Variants in RAP1A observed in about 807,000 individuals in gnomAD.
The protein encoded by RAP1A is RAP1A, member of RAS oncogene family.
Under a neutral mutation model 26.4 loss-of-function variants are expected in RAP1A, and 6 were observed. The ratio of observed to expected loss-of-function variants is 0.23; its 90% confidence interval spans 0.12 to 0.45. The LOEUF is 0.45. Ranked by LOEUF, RAP1A falls within the 20% of genes least tolerant of loss-of-function variation. RAP1A has a pLI of 0.99. For missense variants in RAP1A, 121 were observed against 217.2 expected (o/e 0.56, Z 2.78); for synonymous variants, 73 against 79.4 (o/e 0.92, Z 0.43).
chr1:111,703,887 C>T (rs956757128), intron 5 of RAP1A, among the ~76,000 whole-genome samples: 1 of 152,160 alleles, frequency 6.6e-6, no homozygotes, highest in African/African-American at 2.4e-5. Flanking sequence ...CACAGTCTAC[C>T]TCCCGGGCTC....
At chr1:111,697,584 G>A in intron 4 of RAP1A, 87 bp downstream of exon 4, 1 of 1,567,732 alleles carries the variant, frequency 6.4e-7, no homozygotes, top group Non-Finnish European at 8.6e-7. Flanking sequence ...AGATAATTCT[G>A]AGTAAAAGTA....
intron 1 of RAP1A, among the ~76,000 whole-genome samples, chr1:111,565,253 G>T (rs1657892561): frequency 6.6e-6 from 1 of 152,194 alleles, no homozygotes; most frequent in African/African-American, 2.4e-5. Context: ...GTGAGCAAGT[G>T]AGGGACCTGA....
intron 1 of RAP1A, among the ~76,000 whole-genome samples, chr1:111,651,294 G>A (rs1660260248): frequency 6.6e-6 from 1 of 151,990 alleles, no homozygotes; most frequent in African/African-American, 2.4e-5. Context: ...ATGTCTTTAA[G>A]TTAATTGATT....
chr1:111,685,339 A>T (rs1006500361), intron 1 of RAP1A, among the ~76,000 whole-genome samples: 1 of 152,170 alleles, frequency 6.6e-6, no homozygotes, highest in African/African-American at 2.4e-5. Context: ...CGAACAGGCA[A>T]CCTACAGAAT....
chr1:111,565,834 T>TCACATTATATTTCTACTGGACAG (rs1238012253), intron 1 of RAP1A, among the ~76,000 whole-genome samples: 2 of 152,034 alleles, frequency 1.3e-5, no homozygotes, highest in Non-Finnish European at 2.9e-5. Context: ...AATATGTGGC[T>TCACATTATATTTCTACTGGACAG]CACATTATAT....
intron 1 of RAP1A, among the ~76,000 whole-genome samples, chr1:111,634,663 C>T (rs1659673106): frequency 6.7e-6 from 1 of 150,296 alleles, no homozygotes; most frequent in Admixed American, 6.6e-5. Flanking sequence ...TTTATTTTTT[C>T]GAGATGGAGT....
At chr1:111,589,641 A>C (rs372198532) in intron 1 of RAP1A, among the ~76,000 whole-genome samples, 1 of 152,202 alleles carries the variant, frequency 6.6e-6, no homozygotes, top group African/African-American at 2.4e-5. Context: ...CTCCATGCAC[A>C]TACAGTTTTC....
At chr1:111,618,475 T>C (rs1206454071), upstream of RAP1A, among the ~76,000 whole-genome samples, 1 of 152,196 alleles carries the variant, frequency 6.6e-6, no homozygotes, top group Admixed American at 6.5e-5. Flanking sequence ...TTGGAGTGCC[T>C]CTTGGTCCTT....
At chr1:111,672,226 T>C (rs1660997266) in intron 1 of RAP1A, among the ~76,000 whole-genome samples, 1 of 152,232 alleles carries the variant, frequency 6.6e-6, no homozygotes, top group Non-Finnish European at 1.5e-5. Context: ...AAGTTTTGCT[T>C]TGTATGCTTT....
At chr1:111,578,165 G>T (rs1364759994) in intron 1 of RAP1A, among the ~76,000 whole-genome samples, 1 of 152,152 alleles carries the variant, frequency 6.6e-6, no homozygotes, top group Non-Finnish European at 1.5e-5. Flanking sequence ...AATTGGCCAG[G>T]TATTCTAGAG....
At chr1:111,637,350 C>G (rs1355466712) in intron 1 of RAP1A, among the ~76,000 whole-genome samples, 1 of 152,128 alleles carries the variant, frequency 6.6e-6, no homozygotes, top group Non-Finnish European at 1.5e-5. Flanking sequence ...GACATTATTT[C>G]TCAGCCTTTT....
intron 1 of RAP1A, among the ~76,000 whole-genome samples, chr1:111,554,283 T>C (rs553006141): frequency 6.6e-6 from 1 of 152,352 alleles, no homozygotes; most frequent in African/African-American, 2.4e-5. Flanking sequence ...TGGAGGTATA[T>C]AGTATTACAG....
At chr1:111,551,943 C>T (rs74112327) in intron 1 of RAP1A, among the ~76,000 whole-genome samples, 7,966 of 152,252 alleles carry the variant, frequency 0.052, 433 homozygotes, top group East Asian at 0.18. Flanking sequence ...GAACAGTTCT[C>T]GGCATGCACC....
intron 1 of RAP1A, among the ~76,000 whole-genome samples, chr1:111,607,962 C>T (rs1250600404): frequency 4.3e-5 from 5 of 117,590 alleles, no homozygotes. Context: ...CGCCCCTCAC[C>T]TCCCGGACGG....
chr1:111,659,474 A>G (rs1474264997), intron 1 of RAP1A, among the ~76,000 whole-genome samples: 1 of 150,540 alleles, frequency 6.6e-6, no homozygotes, highest in African/African-American at 2.4e-5. Context: ...GACAACATAT[A>G]GTTGGGTCTT....
chr1:111,571,362 G>C (rs183080813), intron 1 of RAP1A, among the ~76,000 whole-genome samples: 1 of 152,246 alleles, frequency 6.6e-6, no homozygotes, highest in Admixed American at 6.5e-5. Context: ...TCAATTTCAA[G>C]AGCCCTGCCT....
intron 7 of RAP1A, among the ~76,000 whole-genome samples, chr1:111,710,649 A>G (rs991922426): frequency 6.6e-6 from 1 of 152,206 alleles, no homozygotes; most frequent in Non-Finnish European, 1.5e-5. Flanking sequence ...CCTTAGAGAT[A>G]TGAATCTCTC....
chr1:111,621,510 T>C (rs1328259669), intron 1 of RAP1A, among the ~76,000 whole-genome samples: 3 of 152,226 alleles, frequency 2.0e-5, no homozygotes, highest in Non-Finnish European at 4.4e-5. Context: ...TACGATTAGC[T>C]GTTAGGTATT....
intron 1 of RAP1A, among the ~76,000 whole-genome samples, chr1:111,594,188 G>C (rs1472114193): frequency 6.6e-6 from 1 of 152,154 alleles, no homozygotes; most frequent in African/African-American, 2.4e-5. Flanking sequence ...AGCAAAATTT[G>C]ATCTTGAGAG....
Sources: allele counts gnomAD v4.1 joint callset (sites outside exome capture counted in the v4.1 genomes callset), GRCh38; gene constraint gnomAD v4.1.1; transcripts MANE v1.5; gene names NCBI Gene and HGNC (gene_info 2026-07-23, HGNC 2026-07-21).